The following LARS2 variants were observed in gnomAD, a reference collection of about 807,000 sequenced individuals.
LARS2 encodes leucine--tRNA ligase, mitochondrial.
In LARS2, 81 loss-of-function variants were observed where a neutral mutation model predicts 116.6. The ratio of observed to expected loss-of-function variants is 0.69; its 90% CI spans 0.58 to 0.84. The LOEUF (loss-of-function observed/expected upper bound fraction) is 0.84, where lower values mean the gene tolerates loss of function less well. Ranked by LOEUF, LARS2 falls within the 40% of genes least tolerant of loss-of-function variation. The pLI is 0.00. For synonymous variants in LARS2, 396 were observed against 407.2 expected, an observed-to-expected ratio of 0.97 and a Z score of 0.33; for missense variants, 968 against 1,114.5, an observed-to-expected ratio of 0.87 and a Z score of 1.87.
rs28413188 is a variant in LARS2, at chr3:45,388,659, G to A, written c.-109G>A. 0.23 allele frequency: 34,774 copies of A among 152,256 alleles called. 4,600 individuals carry two copies. Among genetic ancestry groups the A allele is most frequent in the Non-Finnish European group, 0.3 (20,201 of 68,018 alleles). 9.4% of individuals were successfully genotyped at this position (152,256 alleles called of 1,614,324 possible). ...GTGGAGAACGAGGAGTAGAGGAGCC[G>A]CAGGCCAGAGCCTGTGAGCAGGTAA... On this transcript the variant is annotated 5_prime_UTR_variant, in exon 1 of 22. Coordinates refer to ENST00000645846, the MANE Select transcript of LARS2 (RefSeq NM_015340.4).
intron 15 of LARS2, among the ~76,000 whole-genome samples, chr3:45,506,192 C>T (rs1311536702): frequency 6.6e-6 from 1 of 152,006 alleles, no homozygotes; most frequent in East Asian, 1.9e-4. Flanking sequence ...AAAGGCTGAC[C>T]TTTGAGGAAG....
intron 4 of LARS2, among the ~76,000 whole-genome samples, chr3:45,412,133 A>C (rs1698341479): frequency 6.6e-6 from 1 of 152,148 alleles, no homozygotes; most frequent in East Asian, 1.9e-4. Flanking sequence ...GCTATTGTGA[A>C]TAGTGCTGCA....
intron 15 of LARS2, among the ~76,000 whole-genome samples, chr3:45,502,519 G>T (rs902003485): frequency 6.6e-6 from 1 of 151,952 alleles, no homozygotes; most frequent in Non-Finnish European, 1.5e-5. Flanking sequence ...TATATCCCAG[G>T]GCTTATTGAT....
intron 15 of LARS2, among the ~76,000 whole-genome samples, chr3:45,508,992 A>G (rs1700239745): frequency 6.6e-6 from 1 of 151,992 alleles, no homozygotes. Flanking sequence ...TGCAGTCTAA[A>G]CTAATGAAGA....
intron 14 of LARS2, among the ~76,000 whole-genome samples, chr3:45,499,469 A>G (rs964540119): frequency 6.6e-6 from 1 of 152,016 alleles, no homozygotes; most frequent in Non-Finnish European, 1.5e-5. Flanking sequence ...AAAAAAAGAA[A>G]AAATTAGCTG....
chr3:45,500,315 TAA>T, intron 14 of LARS2, 125 bp from the exon 15 acceptor site: 1 of 1,024,164 alleles, frequency 9.8e-7, no homozygotes, highest in Non-Finnish European at 1.4e-6. Flanking sequence ...TCTTATATTT[TAA>T]AAAAATCATT....
intron 4 of LARS2, among the ~76,000 whole-genome samples, chr3:45,405,600 G>A (rs1698221563): frequency 6.6e-6 from 1 of 152,108 alleles, no homozygotes. Context: ...CATTCTAGAT[G>A]ATTACTTGAC....
At chr3:45,499,865 T>C (rs1258652647) in intron 14 of LARS2, among the ~76,000 whole-genome samples, 1 of 152,216 alleles carries the variant, frequency 6.6e-6, no homozygotes, top group Non-Finnish European at 1.5e-5. Flanking sequence ...TGCAAATTGC[T>C]TTTGTTGAAA....
At chr3:45,457,020 A>C (rs576243596) in intron 7 of LARS2, among the ~76,000 whole-genome samples, 160 of 152,358 alleles carry the variant, frequency 1.1e-3, no homozygotes, top group African/African-American at 3.8e-3. Flanking sequence ...TGTGGAGTTC[A>C]GGGAAACTCA....
intron 16 of LARS2, 22 bp downstream of exon 16, chr3:45,513,257 C>T (rs1158636051): frequency 1.1e-5 from 16 of 1,479,616 alleles, no homozygotes; most frequent in Non-Finnish European, 1.5e-5. Flanking sequence ...CCATCTGGTC[C>T]CATCCAGGTA....
chr3:45,527,942 C>T (rs867271759), intron 20 of LARS2, among the ~76,000 whole-genome samples: 5 of 152,326 alleles, frequency 3.3e-5, no homozygotes, highest in Middle Eastern at 3.4e-3. Flanking sequence ...CTATAATTGT[C>T]AGACCAGTTC....
At chr3:45,535,370 A>G (rs1178793841) in intron 20 of LARS2, among the ~76,000 whole-genome samples, 10 of 151,068 alleles carry the variant, frequency 6.6e-5, no homozygotes, top group Non-Finnish European at 1.2e-4. Context: ...AAAAAAAAGA[A>G]AAGAAAAGAA....
intron 4 of LARS2, among the ~76,000 whole-genome samples, chr3:45,413,447 A>G (rs1698366702): frequency 6.6e-6 from 1 of 152,242 alleles, no homozygotes; most frequent in Non-Finnish European, 1.5e-5. Context: ...TGAACATGTC[A>G]TGCTCAATAA....
intron 4 of LARS2, among the ~76,000 whole-genome samples, chr3:45,402,385 G>A (rs1279598710): frequency 2.0e-5 from 3 of 152,162 alleles, no homozygotes; most frequent in Non-Finnish European, 4.4e-5. Flanking sequence ...GCCATTGAGG[G>A]AGTATTTACG....
At chr3:45,436,985 T>C (rs959421133) in intron 6 of LARS2, among the ~76,000 whole-genome samples, 2 of 152,168 alleles carry the variant, frequency 1.3e-5, no homozygotes, top group African/African-American at 4.8e-5. Context: ...ATAAAAATGA[T>C]AGTGCTCAAA....
At chr3:45,474,468 T>G (rs1273100309) in intron 9 of LARS2, 118 bp downstream of exon 9, 1 of 472,886 alleles carries the variant, frequency 2.1e-6, no homozygotes, top group African/African-American at 2.0e-5. Context: ...ACGTGTACAA[T>G]TTTAAATTTT....
At chr3:45,418,573 C>T (rs1285831315) in intron 5 of LARS2, among the ~76,000 whole-genome samples, 3 of 152,112 alleles carry the variant, frequency 2.0e-5, no homozygotes, top group Non-Finnish European at 4.4e-5. Flanking sequence ...TAAATCTGGC[C>T]CTACCTGTTT....
intron 21 of LARS2, 117 bp downstream of exon 21, chr3:45,542,073 C>A (rs1253601749): frequency 3.1e-6 from 4 of 1,298,492 alleles, no homozygotes; most frequent in African/African-American, 2.9e-5. Flanking sequence ...CTCAGCTCAG[C>A]CCTCAGCCAC....
At position 45,468,997 on chromosome 3, in the gene LARS2, G is replaced by C. The variant is rs1699478802; in HGVS notation, c.751-5246G>C. Among the ~76,000 whole-genome samples, 5 of 152,262 alleles carry C rather than the reference G, an allele frequency of 3.3e-5. No individual in the cohort carries two copies. The South Asian group carries it at 1.0e-3, about 32-fold the overall frequency. On this transcript the variant is annotated intron_variant, in intron 8 of 21. Transcript: ENST00000645846. ...TCCCATAGCTCTGGGCTGTGCACTT[G>C]TATGTGTGGCTGCTTGGTGCCTCTT...
Sources: allele counts gnomAD v4.1 joint callset (sites outside exome capture counted in the v4.1 genomes callset), GRCh38; gene constraint gnomAD v4.1.1; transcripts MANE v1.5; gene names NCBI Gene and HGNC (gene_info 2026-07-23, HGNC 2026-07-21).